The following CAND2 variants were observed in gnomAD, a reference collection of about 807,000 sequenced individuals.
CAND2 encodes cullin associated and neddylation dissociated 2 (putative), also known as cullin-associated NEDD8-dissociated protein 2.
CAND2 carries 62 observed loss-of-function variants against 98.9 expected under a neutral mutation model. The ratio of observed to expected loss-of-function variants is 0.63; its 90% CI spans 0.51 to 0.77. The LOEUF is 0.77. Ranked by LOEUF, CAND2 falls within the 30% of genes least tolerant of loss-of-function variation. CAND2 has a pLI of 0.00. For synonymous variants in CAND2, 770 were observed against 731.9 expected, an observed-to-expected ratio of 1.05 and a Z score of -0.84; for missense variants, 1,501 against 1,655.2, an observed-to-expected ratio of 0.91 and a Z score of 1.62.
chr3:12,816,072 C>T (rs2061896753), intron 9 of CAND2, 64 bp downstream of exon 9: 6 of 1,510,396 alleles, frequency 4.0e-6, no homozygotes, highest in Middle Eastern at 3.5e-4. Flanking sequence ...GACCCCACCC[C>T]TGAGTTGAGC....
rs149642760 is a variant in CAND2, at chr3:12,821,324, C to T, written c.3040+1143C>T. On this transcript the variant is annotated intron_variant, in intron 11 of 14. Coordinates refer to ENST00000456430, the MANE Select transcript of CAND2 (RefSeq NM_001162499.2). ...CTGAGGCAAAAGAATTGCTTGAACC[C>T]GGGAGGCAGAGGTTGCAGTGAGCCA... Among the ~76,000 whole-genome samples the T allele has an allele frequency of 4.1e-4, 62 of 152,134 alleles. No homozygotes were observed. In the East Asian group the frequency reaches 9.3e-3, roughly 23 times the overall value.
chr3:12,801,303 G>C (rs2061765081), intron 1 of CAND2, among the ~76,000 whole-genome samples: 1 of 152,250 alleles, frequency 6.6e-6, no homozygotes, highest in African/African-American at 2.4e-5. Flanking sequence ...CTCCTAAAGT[G>C]CTGGGATTAC....
At position 12,825,620 on chromosome 3, in the gene CAND2, G is replaced by A. The variant is rs201473874; in HGVS notation, c.3191G>A (p.Arg1064Gln). The A allele has an allele frequency of 8.7e-5, 139 of 1,603,484 alleles. 1 individual carries two copies. Among genetic ancestry groups the A allele is most frequent in the Non-Finnish European group, 1.1e-4 (124 of 1,175,088 alleles). Reference sequence around the variant, plus strand: ...CTCCTCTACCAGGAGACAAAGATCCGGCGGGACCTCATCCGAGAGGTGTGG... The same window carrying A: ...CTCCTCTACCAGGAGACAAAGATCCAGCGGGACCTCATCCGAGAGGTGTGG... ...LPLLYQETKI[R>Q]RDLIREVEMG... The change falls in exon 12 of 15, where the codon CGG becomes CAG. Residue 1064 changes from arginine (R) to glutamine (Q), a missense_variant. By Grantham distance (43) the Arg-to-Gln change is conservative. Transcript: ENST00000456430.
Position 12,825,648 on chromosome 3 carries a change from C to T in CAND2, c.3210+9C>T. 6.4e-7 allele frequency: 1 copy of T among 1,566,498 alleles called. No homozygotes were observed. The highest frequency in any genetic ancestry group is 1.8e-5 in the Admixed American group (1 of 56,082). On this transcript the variant is annotated intron_variant, in intron 12 of 14. Transcript: ENST00000456430. ...GGGACCTCATCCGAGAGGTGTGGAG[C>T]AGAGCTGGGGACCCAGGGGAAGCTG...
At position 12,803,183 on chromosome 3, in the gene CAND2, T is replaced by C. The variant is rs143704353; in HGVS notation, c.69-305T>C. On this transcript the variant is annotated intron_variant, in intron 1 of 14. Coordinates refer to ENST00000456430, the MANE Select transcript of CAND2 (RefSeq NM_001162499.2). The stretch of plus-strand genomic sequence containing the variant: ...TTTTTGTATTTTGTTTAGTAGAGAC[T>C]GGGTTTCACCATGTTAGCCAGGATG... Among the ~76,000 whole-genome samples, 304 of 152,160 alleles carry C rather than the reference T, an allele frequency of 2.0e-3. 8 individuals are homozygous for C. In the East Asian group the frequency reaches 0.051, roughly 25 times the overall value.
rs182970684 is a variant in CAND2 at position 12,801,541 on chromosome 3, C to T, written c.69-1947C>T. Among the ~76,000 whole-genome samples, 25 of 152,320 alleles carry T rather than the reference C, an allele frequency of 1.6e-4. No individual in the cohort carries two copies. The East Asian group carries it at 3.3e-3, about 20-fold the overall frequency. On this transcript the variant is annotated intron_variant, in intron 1 of 14. Transcript: ENST00000456430. The stretch of plus-strand genomic sequence containing the variant: ...AAAGTTGGCCCCAGCCTCAACTTTC[C>T]GTGGCTTCCAGCTTAGACTCCCACT...
At position 12,817,014 on chromosome 3, in the gene CAND2, C is replaced by A. The variant is rs753597109; in HGVS notation, c.2082C>A (p.Ala694=). The A allele has an allele frequency of 6.2e-7, 1 of 1,612,956 alleles. No individual in the cohort carries two copies. The highest frequency in any genetic ancestry group is 8.5e-7 in the Non-Finnish European group (1 of 1,179,916). ...GCCTCCCACCGTCTGCCGTGCAGGC[C>A]GTGCTGGCTGAGCTGCCTGCCCTGG... ...GLSLPPSAVQ[A]VLAELPALVN... is the part of the protein sequence containing the mutation. Residue 694 remains alanine, a synonymous_variant, in exon 10 of 15, where the codon GCC becomes GCA. Transcript: ENST00000456430.
intron 2 of CAND2, among the ~76,000 whole-genome samples, chr3:12,804,254 G>GA (rs2061789227): frequency 2.0e-5 from 3 of 151,944 alleles, no homozygotes; most frequent in Non-Finnish European, 4.4e-5. Context: ...AGGAGTTTGA[G>GA]ACCAGCCTGA....
At chr3:12,818,471 T>TA (rs1200524717) in intron 10 of CAND2, among the ~76,000 whole-genome samples, 4 of 152,114 alleles carry the variant, frequency 2.6e-5, no homozygotes, top group African/African-American at 9.7e-5. Context: ...CCCCGAGGCT[T>TA]GGAGAGGGCT....
Position 12,817,055 on chromosome 3 carries a change from T to C in CAND2, c.2123T>C (p.Met708Thr). ...ELPALVNESD[M>T]HVAQLAVDFL... ...CCTGCCCTGGTCAACGAGAGCGACATGCATGTGGCCCAGCTGGCTGTGGAC... is the reference window on the plus strand; with the variant it reads ...CCTGCCCTGGTCAACGAGAGCGACACGCATGTGGCCCAGCTGGCTGTGGAC... Residue 708 changes from methionine to threonine, a missense_variant, in exon 10 of 15, where the codon ATG becomes ACG. By Grantham distance (81) the Met-to-Thr change is moderately conservative (BLOSUM62 -1). Coordinates refer to ENST00000456430, the MANE Select transcript of CAND2 (RefSeq NM_001162499.2). The C allele has an allele frequency of 6.2e-7, 1 of 1,612,968 alleles. No homozygotes were observed. Among genetic ancestry groups the C allele is most frequent in the Non-Finnish European group, 8.5e-7 (1 of 1,179,966 alleles).
Position 12,816,611 on chromosome 3 carries a change from T to C in CAND2, c.1679T>C (p.Met560Thr), listed in dbSNP as rs755717713. Residue 560 changes from methionine to threonine, a missense_variant, in exon 10 of 15, where the codon ATG becomes ACG. Physicochemically the swap from Met to Thr is moderately conservative, Grantham distance 81. Coordinates refer to ENST00000456430, the MANE Select transcript of CAND2 (RefSeq NM_001162499.2). ...RALWPLHRPR[M>T]LDPEPYVGEM... ...CTGTGGCCGCTGCACAGGCCTCGGA[T>C]GCTGGATCCTGAGCCATATGTTGGA... The C allele has an allele frequency of 1.9e-6, 3 of 1,613,816 alleles. No individual in the cohort carries two copies. The African/African-American group carries it at 4.0e-5, about 22-fold the overall frequency.
intron 4 of CAND2, chr3:12,809,827 TG>T: frequency 2.1e-6 from 1 of 465,750 alleles, no homozygotes; most frequent in Non-Finnish European, 3.7e-6. Context: ...CTCCCTAGGC[TG>T]GGAGCCAGGC....
At chr3:12,830,303 G>A (rs1022098913) in intron 13 of CAND2, among the ~76,000 whole-genome samples, 6 of 152,200 alleles carry the variant, frequency 3.9e-5, no homozygotes, top group African/African-American at 1.4e-4. Context: ...GCAAACTAGT[G>A]GAAAATGATG....
intron 14 of CAND2, 87 bp from the exon 15 acceptor site, chr3:12,833,668 C>A: frequency 9.8e-7 from 1 of 1,023,582 alleles, no homozygotes; most frequent in Non-Finnish European, 1.5e-6. Context: ...GATGATGGGG[C>A]AGAGAGGAAG....
In CAND2 at chr3:12,817,790, G is replaced by A. The variant is rs761170457; in HGVS notation, c.2858G>A (p.Arg953Gln). The A allele has an allele frequency of 1.5e-5, 23 of 1,529,404 alleles. No individual in the cohort carries two copies. Among genetic ancestry groups the A allele is most frequent in the East Asian group, 1.1e-4 (5 of 44,050 alleles). 94.7% of individuals were successfully genotyped at this position (1,529,404 alleles called of 1,614,324 possible). A position where few individuals can be genotyped will look rare whatever the true frequency, so the allele number is the denominator to read the frequency against. ...QRCEGAEEGT[R>Q]GVVAECIGKL... ...TGCGAGGGTGCTGAGGAGGGCACCC[G>A]GGGGGTGGTGGCCGAGTGCATTGGG... Residue 953 changes from arginine (R) to glutamine (Q), a missense_variant, in exon 10 of 15, where the codon CGG (arginine) becomes CAG (glutamine). Transcript: ENST00000456430.
chr3:12,815,849 T>G lies in CAND2; in HGVS notation c.1300-18T>G, dbSNP rs2061894419. 1 of 1,607,558 alleles carries G rather than the reference T, an allele frequency of 6.2e-7. No homozygotes were observed. The highest frequency in any genetic ancestry group is 1.1e-5 in the South Asian group (1 of 90,836). On this transcript the variant is annotated intron_variant, in intron 8 of 14. Transcript: ENST00000456430. The surrounding 1 kb of genome is among the most constrained non-coding windows in gnomAD (Gnocchi z 5.7). ...TCTTGGGTGTTCCCTGACCTTGACTTCCCCCTCCTGCCCACAGGTGCCCCT... is the reference window on the plus strand; with the variant it reads ...TCTTGGGTGTTCCCTGACCTTGACTGCCCCCTCCTGCCCACAGGTGCCCCT...
chr3:12,818,964 A>C (rs1257424648), intron 10 of CAND2, among the ~76,000 whole-genome samples: 1 of 152,174 alleles, frequency 6.6e-6, no homozygotes, highest in East Asian at 1.9e-4. Context: ...GCACTGTTGA[A>C]CCAGCCACCC....
At position 12,820,433 on chromosome 3, in the gene CAND2, T is replaced by G. The variant is rs187809173; in HGVS notation, c.3040+252T>G. On this transcript the variant is annotated intron_variant, in intron 11 of 14. Coordinates refer to ENST00000456430, the MANE Select transcript of CAND2 (RefSeq NM_001162499.2). ...AGCCTCGCTTTCCTCATCTGTCAAA[T>G]GGGCGTGAGAAACTCTTATTATCTG... Among the ~76,000 whole-genome samples, 239 of 152,356 alleles carry G rather than the reference T, an allele frequency of 1.6e-3. 2 individuals carry two copies. Among genetic ancestry groups the G allele is most frequent in the Admixed American group, 2.7e-3 (42 of 15,308 alleles).
chr3:12,803,740 C>A, intron 2 of CAND2, 109 bp downstream of exon 2: 1 of 949,334 alleles, frequency 1.1e-6, no homozygotes, highest in Non-Finnish European at 1.5e-6. Context: ...ACCTGCTGAG[C>A]AGCTCTCGTT....
Sources: allele counts gnomAD v4.1 joint callset (sites outside exome capture counted in the v4.1 genomes callset), GRCh38; gene constraint gnomAD v4.1.1; non-coding constraint Gnocchi (gnomAD v3.1); transcripts MANE v1.5; gene names NCBI Gene and HGNC (gene_info 2026-07-23, HGNC 2026-07-21).